Variants in POFUT1 observed in about 807,000 individuals in gnomAD.
POFUT1 encodes GDP-fucose protein O-fucosyltransferase 1.
POFUT1 carries 16 observed loss-of-function variants against 42.4 expected under a neutral mutation model. The observed-to-expected ratio is 0.38, with a 90% confidence interval of 0.26 to 0.57. The LOEUF (loss-of-function observed/expected upper bound fraction) is 0.57, where lower values mean the gene tolerates loss of function less well. Among genes scored for constraint, POFUT1 ranks in the 20% least tolerant of loss-of-function variants. POFUT1 has a pLI of 0.71. For synonymous variants in POFUT1, 206 were observed against 205.4 expected, an observed-to-expected ratio of 1.00 and a Z score of -0.03; for missense variants, 470 against 504.6, an observed-to-expected ratio of 0.93 and a Z score of 0.66.
chr20:32,210,316 G>A, intron 2 of POFUT1, 124 bp downstream of exon 2: 5 of 960,470 alleles, frequency 5.2e-6, no homozygotes, highest in Non-Finnish European at 8.3e-6. Flanking sequence ...CCTCCAGCCA[G>A]AACTGTCTTC....
chr20:32,211,007 A>G (rs1032351775), intron 2 of POFUT1, among the ~76,000 whole-genome samples: 4 of 152,230 alleles, frequency 2.6e-5, no homozygotes, highest in Admixed American at 2.6e-4. Flanking sequence ...AGAGTACCAG[A>G]GATCATAGTC....
chr20:32,210,018 T>C, intron 1 of POFUT1, 53 bp from the exon 2 acceptor site: 2 of 1,611,820 alleles, frequency 1.2e-6, no homozygotes, highest in Non-Finnish European at 1.7e-6. Flanking sequence ...CCCTGCATGC[T>C]CTATGCCCTC....
At chr20:32,217,089 A>G in intron 4 of POFUT1, 2 of 1,610,650 alleles carry the variant, frequency 1.2e-6, no homozygotes, top group Non-Finnish European at 1.7e-6. Context: ...TCAGGTGCAG[A>G]CCGAGAAATG....
intron 2 of POFUT1, among the ~76,000 whole-genome samples, chr20:32,211,588 T>G (rs1004899554): frequency 6.6e-6 from 1 of 152,186 alleles, no homozygotes; most frequent in Non-Finnish European, 1.5e-5. Flanking sequence ...ACTATTACAG[T>G]GTAGACATTG....
intron 4 of POFUT1, among the ~76,000 whole-genome samples, chr20:32,221,309 C>G (rs6058559): frequency 0.058 from 8,817 of 152,190 alleles, 911 homozygotes; most frequent in African/African-American, 0.2. Flanking sequence ...CTCTTCCCAG[C>G]CTTACTGTGC....
chr20:32,227,219 G>T (rs1216550790), intron 4 of POFUT1, among the ~76,000 whole-genome samples: 1 of 152,132 alleles, frequency 6.6e-6, no homozygotes, highest in African/African-American at 2.4e-5. Context: ...CTCCTCATTT[G>T]TTCAGTCAAG....
intron 4 of POFUT1, among the ~76,000 whole-genome samples, chr20:32,219,749 G>A (rs991726380): frequency 1.3e-5 from 2 of 151,856 alleles, no homozygotes; most frequent in East Asian, 3.9e-4. Flanking sequence ...CACCCGCCTC[G>A]GCCTCCCAAA....
In POFUT1 at chr20:32,238,604, C is replaced by A. The variant is rs1569167426; in HGVS notation, c.*3943C>A. The A allele has an allele frequency of 6.6e-6, 1 of 151,718 alleles. No individual in the cohort carries two copies. The highest frequency in any genetic ancestry group is 2.4e-5 in the African/African-American group (1 of 41,310). The allele number at this position is 151,718 out of a possible 1,614,324, so 9.4% of individuals were successfully genotyped here. On this transcript the variant is annotated 3_prime_UTR_variant, in exon 7 of 7. Transcript: ENST00000375749. ...TAAAACTTTTTGTTATGGAAGAATT[C>A]AAATATAAATAAAAAATTGTGAGTA...
Position 32,222,062 on chromosome 20 carries a change from C to T in POFUT1, c.542+5341C>T, listed in dbSNP as rs533068131. Among the ~76,000 whole-genome samples, 230 of 152,244 alleles carry T rather than the reference C, an allele frequency of 1.5e-3. 2 individuals carry two copies. The highest frequency in any genetic ancestry group is 5.1e-3 in the African/African-American group (213 of 41,530). On this transcript the variant is annotated intron_variant, in intron 4 of 6. Transcript: ENST00000375749. ...CCTGTAATCCCAGCACTTTGGGAGG[C>T]AGAGGCAGGCGGATCACTTGAGGTC... is the stretch of plus-strand genomic sequence containing the variant.
Position 32,238,324 on chromosome 20 carries a change from T to A in POFUT1, c.*3663T>A, listed in dbSNP as rs1600398364. ...CTGAGGCAGGAGAATGGCTTGAACC[T>A]GGGAGGTGGAGGTTGCAGTGAGCCG... is the stretch of plus-strand genomic sequence containing the variant. On this transcript the variant is annotated 3_prime_UTR_variant, in exon 7 of 7. Coordinates refer to ENST00000375749, the MANE Select transcript of POFUT1 (RefSeq NM_015352.2). 1 of 154,894 alleles carries A rather than the reference T, an allele frequency of 6.5e-6. No homozygotes were observed. The highest frequency in any genetic ancestry group is 1.4e-5 in the Non-Finnish European group (1 of 69,692). 9.6% of individuals were successfully genotyped at this position (154,894 alleles called of 1,614,324 possible). A position where few individuals can be genotyped will look rare whatever the true frequency, so the allele number is the denominator to read the frequency against.
At position 32,207,934 on chromosome 20, in the gene POFUT1, G is replaced by T. The variant is rs1477217965; in HGVS notation, c.-8G>T. 3.8e-6 allele frequency: 6 copies of T among 1,580,860 alleles called. No individual in the cohort carries two copies. The South Asian group carries it at 5.6e-5, about 15-fold the overall frequency. Reference sequence around the variant, plus strand: ...TGCGCCGCGGCTGGCTCGGGTTCCCGGGCCGACATGGGCGCCGCCGCGTGG... The same window carrying T: ...TGCGCCGCGGCTGGCTCGGGTTCCCTGGCCGACATGGGCGCCGCCGCGTGG... On this transcript the variant is annotated 5_prime_UTR_variant, in exon 1 of 7. Transcript: ENST00000375749.
intron 4 of POFUT1, among the ~76,000 whole-genome samples, chr20:32,225,997 A>G (rs1360990989): frequency 2.0e-5 from 3 of 151,862 alleles, no homozygotes; most frequent in Admixed American, 6.6e-5. Flanking sequence ...GCAGAAGAAC[A>G]CTCCCCTCCT....
At chr20:32,218,606 G>A (rs1228263817) in intron 4 of POFUT1, among the ~76,000 whole-genome samples, 1 of 152,110 alleles carries the variant, frequency 6.6e-6, no homozygotes, top group Non-Finnish European at 1.5e-5. Flanking sequence ...ATCCCAGATA[G>A]CACACTCCCA....
At chr20:32,234,414 G>C (rs1014334547) in intron 6 of POFUT1, 59 bp from the exon 7 acceptor site, 1 of 1,455,408 alleles carries the variant, frequency 6.9e-7, no homozygotes, top group African/African-American at 1.4e-5. Flanking sequence ...TGGGGGTGTG[G>C]ATGGCAGGCC....
At chr20:32,231,341 G>A (rs1353259324) in intron 6 of POFUT1, 3 of 409,672 alleles carry the variant, frequency 7.3e-6, no homozygotes, top group Non-Finnish European at 1.4e-5. Context: ...GTATGAGACT[G>A]GTGTAGAAAT....
At chr20:32,229,303 A>G (rs2047430496) in intron 5 of POFUT1, among the ~76,000 whole-genome samples, 1 of 152,248 alleles carries the variant, frequency 6.6e-6, no homozygotes, top group South Asian at 2.1e-4. Flanking sequence ...ACAAATGCAT[A>G]GGCCCTAAGT....
In POFUT1 at chr20:32,238,238, A is replaced by G. The variant is rs927825428; in HGVS notation, c.*3577A>G. 2 of 166,378 alleles carry G rather than the reference A, an allele frequency of 1.2e-5. No individual in the cohort carries two copies. Among genetic ancestry groups the G allele is most frequent in the Non-Finnish European group, 2.6e-5 (2 of 75,978 alleles). 10.3% of individuals were successfully genotyped at this position (166,378 alleles called of 1,614,324 possible). A position where few individuals can be genotyped will look rare whatever the true frequency, so the allele number is the denominator to read the frequency against. ...TGAATTATCTCTACTAAAAATACAA[A>G]AAAATAATAATAATAGCCAGGCGTG... On this transcript the variant is annotated 3_prime_UTR_variant, in exon 7 of 7. Coordinates refer to ENST00000375749, the MANE Select transcript of POFUT1 (RefSeq NM_015352.2).
At chr20:32,208,111 G>A (rs890471928) in intron 1 of POFUT1, 46 bp downstream of exon 1, 10 of 1,524,350 alleles carry the variant, frequency 6.6e-6, no homozygotes, top group Admixed American at 2.0e-5. Context: ...ACTGAGGCCG[G>A]GAGAGGAAAA....
At chr20:32,217,352 T>A (rs1600387549) in intron 4 of POFUT1, 1 of 1,148,048 alleles carries the variant, frequency 8.7e-7, no homozygotes, top group East Asian at 4.6e-5. Flanking sequence ...TGTTATAGCA[T>A]GGCAGGAAAG....
Sources: gnomAD v4.1 joint callset for allele counts (sites outside exome capture counted in the v4.1 genomes callset) on GRCh38, gnomAD v4.1.1 for gene constraint, MANE v1.5 for transcripts, NCBI Gene and HGNC (gene_info 2026-07-23, HGNC 2026-07-21) for gene names.